The following GRIN2A variants were observed in gnomAD, a reference collection of about 807,000 sequenced individuals.
GRIN2A encodes the protein glutamate receptor ionotropic, NMDA 2A.
A neutral mutation model predicts 113.4 loss-of-function variants in GRIN2A; 22 were observed. The ratio of observed to expected loss-of-function variants is 0.19; its 90% CI spans 0.14 to 0.28. GRIN2A has a LOEUF of 0.28. Among genes scored for constraint, GRIN2A ranks in the 10% least tolerant of loss-of-function variants. The probability of loss-of-function intolerance (pLI) is 1.00; values close to 1 mark genes in which losing one functional copy is unlikely to be tolerated. For synonymous variants in GRIN2A, 827 were observed against 738.4 expected (o/e 1.12, Z -1.94); for missense variants, 1,502 against 1,887.0 (o/e 0.80, Z 3.78).
chr16:9,922,932 T>C (rs1466882452), intron 3 of GRIN2A, among the ~76,000 whole-genome samples: 2 of 152,190 alleles, frequency 1.3e-5, no homozygotes, highest in Non-Finnish European at 2.9e-5. Context: ...ATAAATTTTC[T>C]GTATACATTT....
chr16:10,014,941 G>T (rs2046574781), intron 2 of GRIN2A, among the ~76,000 whole-genome samples: 1 of 152,180 alleles, frequency 6.6e-6, no homozygotes, highest in South Asian at 2.1e-4. Context: ...ACATTAGAAG[G>T]TTGTTATAAT....
intron 2 of GRIN2A, among the ~76,000 whole-genome samples, chr16:10,129,621 T>A (rs2049021207): frequency 1.3e-5 from 2 of 152,156 alleles, no homozygotes; most frequent in Admixed American, 1.3e-4. Context: ...GTGTGAGGAA[T>A]GTTCCAGAAA....
chr16:10,091,400 T>C (rs992492896), intron 2 of GRIN2A, among the ~76,000 whole-genome samples: 2 of 151,812 alleles, frequency 1.3e-5, no homozygotes, highest in African/African-American at 4.8e-5. Flanking sequence ...GAGTTTGAGA[T>C]CAACCTGGGC....
intron 2 of GRIN2A, among the ~76,000 whole-genome samples, chr16:10,048,728 T>A (rs1410690780): frequency 1.3e-5 from 2 of 149,190 alleles, no homozygotes; most frequent in Non-Finnish European, 3.0e-5. Flanking sequence ...TGAAAGACAG[T>A]AATACCCCAC....
chr16:9,935,486 G>A (rs2044690468), intron 3 of GRIN2A, among the ~76,000 whole-genome samples: 1 of 148,316 alleles, frequency 6.7e-6, no homozygotes, highest in Admixed American at 6.7e-5. Flanking sequence ...TATGTTAATT[G>A]TAAGAAGTAT....
intron 2 of GRIN2A, among the ~76,000 whole-genome samples, chr16:10,101,228 T>C (rs1397743077): frequency 6.6e-6 from 1 of 152,218 alleles, no homozygotes; most frequent in African/African-American, 2.4e-5. Flanking sequence ...ACAATTCTAC[T>C]TCCTGCCTTC....
rs35475437 is a variant in GRIN2A at position 9,878,854 on chromosome 16, GACAC to G, written c.1122+12128_1122+12131del. The stretch of plus-strand genomic sequence containing the variant: ...AGCAACAACAAAAGAACCAGTGCAA[GACAC>G]ACACACACACACACACACACGCACA... On this transcript the variant is annotated intron_variant, in intron 4 of 12. Transcript: ENST00000330684. Among the ~76,000 whole-genome samples, 974 of 149,048 alleles carry G rather than the reference GACAC, an allele frequency of 6.5e-3. 7 individuals are homozygous for G. Among genetic ancestry groups the G allele is most frequent in the African/African-American group, 9.7e-3 (397 of 40,764 alleles).
At chr16:10,047,429 C>A (rs72772368) in intron 2 of GRIN2A, among the ~76,000 whole-genome samples, 3 of 152,160 alleles carry the variant, frequency 2.0e-5, no homozygotes, top group East Asian at 1.9e-4. Context: ...CAATTAGTAC[C>A]CAATAAATGT....
At chr16:9,907,359 G>C (rs2044046916) in intron 3 of GRIN2A, among the ~76,000 whole-genome samples, 1 of 152,198 alleles carries the variant, frequency 6.6e-6, no homozygotes, top group African/African-American at 2.4e-5. Context: ...TGACGGAAGT[G>C]ACCCTCAGAA....
intron 4 of GRIN2A, among the ~76,000 whole-genome samples, chr16:9,882,445 T>A (rs1020512617): frequency 6.6e-6 from 1 of 152,004 alleles, no homozygotes; most frequent in Non-Finnish European, 1.5e-5. Flanking sequence ...ATGGGGTGCA[T>A]CCCCTCCCTT....
chr16:10,181,407 C>A (rs1212776159), intron 1 of GRIN2A, among the ~76,000 whole-genome samples: 2 of 152,230 alleles, frequency 1.3e-5, no homozygotes, highest in Non-Finnish European at 2.9e-5. Flanking sequence ...CTTTCTACTG[C>A]GGGCGCTGTT....
intron 2 of GRIN2A, among the ~76,000 whole-genome samples, chr16:9,957,755 C>G (rs773644462): frequency 2.0e-5 from 3 of 152,174 alleles, no homozygotes; most frequent in Non-Finnish European, 2.9e-5. Flanking sequence ...AGATGCCCCT[C>G]GATGACTCTG....
chr16:9,788,221 T>C (rs1032919802), intron 11 of GRIN2A, among the ~76,000 whole-genome samples: 7 of 152,152 alleles, frequency 4.6e-5, no homozygotes, highest in African/African-American at 1.7e-4. Flanking sequence ...TTTCTCTCTC[T>C]TCCTTTCTCT....
chr16:10,088,046 T>C (rs2048115576), intron 2 of GRIN2A, among the ~76,000 whole-genome samples: 1 of 152,046 alleles, frequency 6.6e-6, no homozygotes, highest in Non-Finnish European at 1.5e-5. Flanking sequence ...ATCAGTATCA[T>C]CATCATGGGT....
chr16:10,065,780 C>G (rs542535847), intron 2 of GRIN2A, among the ~76,000 whole-genome samples: 1 of 152,254 alleles, frequency 6.6e-6, no homozygotes, highest in East Asian at 1.9e-4. Flanking sequence ...CCATCTCAAG[C>G]CAAGACTATA....
intron 10 of GRIN2A, among the ~76,000 whole-genome samples, chr16:9,807,921 C>A (rs1442328960): frequency 6.6e-6 from 1 of 152,184 alleles, no homozygotes; most frequent in African/African-American, 2.4e-5. Context: ...GAAGTCCCAG[C>A]CATGAATTTG....
chr16:9,977,646 C>T (rs960192896), intron 2 of GRIN2A, among the ~76,000 whole-genome samples: 1 of 152,060 alleles, frequency 6.6e-6, no homozygotes, highest in Non-Finnish European at 1.5e-5. Flanking sequence ...GGCAGCTTTG[C>T]CACTAAATTT....
At chr16:10,112,190 A>G (rs1160632899) in intron 2 of GRIN2A, 1 of 584,442 alleles carries the variant, frequency 1.7e-6, no homozygotes, top group East Asian at 3.5e-5. Flanking sequence ...TCAACGTCAT[A>G]GTCTTGGACT....
chr16:9,932,741 C>G (rs9936211), intron 3 of GRIN2A, among the ~76,000 whole-genome samples: 1,874 of 152,266 alleles, frequency 0.012, 41 homozygotes, highest in African/African-American at 0.043. Context: ...GACTGCTTTT[C>G]CATACGCCAC....
Sources: allele counts gnomAD v4.1 joint callset (sites outside exome capture counted in the v4.1 genomes callset), GRCh38; gene constraint gnomAD v4.1.1; transcripts MANE v1.5; gene names NCBI Gene and HGNC (gene_info 2026-07-23, HGNC 2026-07-21).